Variants in KMT2C observed in about 807,000 individuals in gnomAD.
KMT2C encodes the protein lysine methyltransferase 2C.
KMT2C carries 88 observed loss-of-function variants against 507.9 expected under a neutral mutation model. The observed-to-expected ratio is 0.17, with a 90% confidence interval of 0.15 to 0.21. The LOEUF is 0.21. Ranked by LOEUF, KMT2C falls within the 10% of genes least tolerant of loss-of-function variation. The probability of loss-of-function intolerance (pLI) is 1.00; values close to 1 mark genes in which losing one functional copy is unlikely to be tolerated. For missense variants in KMT2C, 4,954 were observed against 5,957.8 expected, an observed-to-expected ratio of 0.83 and a Z score of 5.55; for synonymous variants, 2,049 against 2,080.8, an observed-to-expected ratio of 0.98 and a Z score of 0.42.
At position 152,146,592 on chromosome 7, in the gene KMT2C, C is replaced by T. The variant is rs776892954; in HGVS notation, c.14031+7G>A. The T allele has an allele frequency of 1.2e-6, 2 of 1,614,024 alleles. No homozygotes were observed. The highest frequency in any genetic ancestry group is 8.5e-7 in the Non-Finnish European group (1 of 1,179,914). On this transcript the variant is annotated splice_region_variant and intron_variant, in intron 53 of 58. Coordinates refer to ENST00000262189, the MANE Select transcript of KMT2C (RefSeq NM_170606.3). ...TTCCAATCTCAAAGCCTGACCAAGACACTCACTGATTCCGCTATGCGTGCC... is the reference window on the plus strand; with the variant it reads ...TTCCAATCTCAAAGCCTGACCAAGATACTCACTGATTCCGCTATGCGTGCC...
intron 6 of KMT2C, among the ~76,000 whole-genome samples, chr7:152,274,961 G>A (rs2096055494): frequency 6.6e-6 from 1 of 152,106 alleles, no homozygotes; most frequent in Non-Finnish European, 1.5e-5. Context: ...TGTGAGTGTG[G>A]CTCATAAACA....
At chr7:152,223,410 A>T (rs976266839) in intron 20 of KMT2C, among the ~76,000 whole-genome samples, 2 of 152,092 alleles carry the variant, frequency 1.3e-5, no homozygotes, top group African/African-American at 2.4e-5. Flanking sequence ...AGATTCAGAA[A>T]CCCTTCATAA....
At chr7:152,424,275 A>T (rs1471510169) in intron 1 of KMT2C, among the ~76,000 whole-genome samples, 1 of 152,138 alleles carries the variant, frequency 6.6e-6, no homozygotes, top group Non-Finnish European at 1.5e-5. Flanking sequence ...TACCACACCC[A>T]GCTCCAAATA....
At chr7:152,421,594 A>C (rs1362781047) in intron 1 of KMT2C, among the ~76,000 whole-genome samples, 1 of 152,238 alleles carries the variant, frequency 6.6e-6, no homozygotes, top group African/African-American at 2.4e-5. Flanking sequence ...TTGCAACAGC[A>C]TGGATGCAGT....
chr7:152,175,372 T>C (rs2093156028), intron 38 of KMT2C, among the ~76,000 whole-genome samples: 1 of 152,054 alleles, frequency 6.6e-6, no homozygotes. Flanking sequence ...GTGCAGAATA[T>C]GCTGGTTACA....
chr7:152,353,107 G>A (rs1233581058), intron 2 of KMT2C, among the ~76,000 whole-genome samples: 1 of 152,144 alleles, frequency 6.6e-6, no homozygotes, highest in Non-Finnish European at 1.5e-5. Context: ...GCAGAGACTG[G>A]TAACAGCCAC....
At chr7:152,242,294 T>C (rs570429956) in intron 14 of KMT2C, among the ~76,000 whole-genome samples, 7 of 152,334 alleles carry the variant, frequency 4.6e-5, no homozygotes, top group African/African-American at 1.4e-4. Context: ...TGCATATGTG[T>C]ATGAATTCAT....
intron 6 of KMT2C, among the ~76,000 whole-genome samples, chr7:152,297,037 GAA>G (rs2096510996): frequency 1.0e-5 from 1 of 95,500 alleles, no homozygotes; most frequent in East Asian, 3.0e-4. Flanking sequence ...AAGAAAGAAA[GAA>G]AGAAAGAAAG....
At chr7:152,194,368 C>A (rs2129129408) in intron 29 of KMT2C, 72 bp downstream of exon 29, 1 of 1,484,270 alleles carries the variant, frequency 6.7e-7, no homozygotes. Flanking sequence ...AAATTATAAC[C>A]ATGCAAAAAT....
At chr7:152,278,643 T>C (rs1291545293) in intron 6 of KMT2C, among the ~76,000 whole-genome samples, 2 of 151,630 alleles carry the variant, frequency 1.3e-5, no homozygotes, top group South Asian at 2.1e-4. Context: ...AAAAACAGAC[T>C]TGAGGGGAAA....
chr7:152,435,442 G>C (rs944806582), intron 1 of KMT2C, among the ~76,000 whole-genome samples, 184 bp downstream of exon 1: 3 of 146,774 alleles, frequency 2.0e-5, no homozygotes, highest in African/African-American at 7.3e-5. Flanking sequence ...GGGGGAGGCC[G>C]GGCGCGGGCG....
At chr7:152,245,367 T>C (rs2095454003) in intron 14 of KMT2C, among the ~76,000 whole-genome samples, 2 of 152,226 alleles carry the variant, frequency 1.3e-5, no homozygotes, top group African/African-American at 4.8e-5. Context: ...GCACTTCTAA[T>C]GCAGCTAGCC....
chr7:152,211,266 G>A (rs1464784887), intron 23 of KMT2C, among the ~76,000 whole-genome samples: 1 of 152,180 alleles, frequency 6.6e-6, no homozygotes, highest in Non-Finnish European at 1.5e-5. Context: ...TGGAAAAGAT[G>A]AGTCAGGTAG....
chr7:152,145,963 G>A (rs1447479419), intron 53 of KMT2C, among the ~76,000 whole-genome samples: 1 of 152,114 alleles, frequency 6.6e-6, no homozygotes, highest in Non-Finnish European at 1.5e-5. Context: ...AAACAATTAG[G>A]CACATTACTC....
chr7:152,153,731 TAAAAAA>T (rs34303062), intron 48 of KMT2C, among the ~76,000 whole-genome samples: 1 of 129,446 alleles, frequency 7.7e-6, no homozygotes, highest in Admixed American at 7.9e-5. Context: ...GTGTCTCTAT[TAAAAAA>T]AAAAAAAAAA....
chr7:152,204,591 CTAGATAGATAGATAGA>C lies in KMT2C; in HGVS notation c.3961+499_3961+514del, dbSNP rs57456614. ...CAACCTGGGTGACATAGTGAGACCC[CTAGATAGATAGATAGA>C]TAGATAGATAGATAGATAGATAGAT... On this transcript the variant is annotated intron_variant, in intron 25 of 58. Coordinates refer to ENST00000262189, the MANE Select transcript of KMT2C (RefSeq NM_170606.3). 2.0e-3 allele frequency among the ~76,000 whole-genome samples: 291 copies of C among 143,492 alleles called. 2 individuals carry two copies. Among genetic ancestry groups the C allele is most frequent in the Non-Finnish European group, 2.9e-3 (190 of 66,372 alleles). 94.1% of individuals were successfully genotyped at this position (143,492 alleles called of 152,430 possible). A position where few individuals can be genotyped will look rare whatever the true frequency, so the allele number is the denominator to read the frequency against.
At chr7:152,188,443 C>T (rs954478618) in intron 31 of KMT2C, among the ~76,000 whole-genome samples, 3 of 151,828 alleles carry the variant, frequency 2.0e-5, no homozygotes, top group African/African-American at 7.3e-5. Flanking sequence ...AGTAACTATT[C>T]GACACAATTA....
At chr7:152,340,149 T>TA (rs2096977690) in intron 2 of KMT2C, among the ~76,000 whole-genome samples, 1 of 119,708 alleles carries the variant, frequency 8.4e-6, no homozygotes. Flanking sequence ...CACGCCTGGA[T>TA]TTTTTTTTTT....
At chr7:152,210,146 A>C (rs2094420442) in intron 23 of KMT2C, among the ~76,000 whole-genome samples, 1 of 152,196 alleles carries the variant, frequency 6.6e-6, no homozygotes, top group African/African-American at 2.4e-5. Context: ...CTGAATTCTC[A>C]GAAAGCTAGC....
Sources: gnomAD v4.1 joint callset for allele counts (sites outside exome capture counted in the v4.1 genomes callset) on GRCh38, gnomAD v4.1.1 for gene constraint, MANE v1.5 for transcripts, NCBI Gene and HGNC (gene_info 2026-07-23, HGNC 2026-07-21) for gene names.